TTC28: variants seen among roughly 807,000 people sequenced by gnomAD.
TTC28 encodes the protein tetratricopeptide repeat domain 28.
Under a neutral mutation model 198.0 loss-of-function variants are expected in TTC28, and 61 were observed. The observed-to-expected ratio is 0.31, with a 90% confidence interval of 0.25 to 0.38. The LOEUF (loss-of-function observed/expected upper bound fraction) is 0.38, where lower values mean the gene tolerates loss of function less well. TTC28 is among the 10% of genes least tolerant of loss of function. The probability of loss-of-function intolerance (pLI) is 1.00; values close to 1 mark genes in which losing one functional copy is unlikely to be tolerated. For missense variants in TTC28, 2,678 were observed against 3,164.0 expected (o/e 0.85, Z 3.69); for synonymous variants, 1,171 against 1,297.8 (o/e 0.90, Z 2.10).
intron 2 of TTC28, among the ~76,000 whole-genome samples, chr22:28,342,313 T>C (rs1402464411): frequency 1.3e-5 from 2 of 152,196 alleles, no homozygotes; most frequent in African/African-American, 4.8e-5. Flanking sequence ...AAAACATATC[T>C]ATCAACTGAA....
chr22:28,287,430 C>T (rs1185994011), intron 5 of TTC28, among the ~76,000 whole-genome samples: 2 of 152,036 alleles, frequency 1.3e-5, no homozygotes, highest in African/African-American at 4.8e-5. Context: ...AACAAAAGTA[C>T]TGATAAATTG....
At chr22:28,333,748 C>T (rs1230981621) in intron 2 of TTC28, among the ~76,000 whole-genome samples, 1 of 151,998 alleles carries the variant, frequency 6.6e-6, no homozygotes, top group Non-Finnish European at 1.5e-5. Context: ...TAATCACTTA[C>T]TTTGTTAATT....
At chr22:28,401,978 C>T (rs1232618642) in intron 2 of TTC28, among the ~76,000 whole-genome samples, 1 of 152,136 alleles carries the variant, frequency 6.6e-6, no homozygotes, top group East Asian at 1.9e-4. Context: ...CCCAAGCTCT[C>T]CCTCCCATCT....
At chr22:28,602,280 TCTAAA>T (rs1408409761) in intron 2 of TTC28, among the ~76,000 whole-genome samples, 2 of 152,112 alleles carry the variant, frequency 1.3e-5, no homozygotes, top group Admixed American at 1.3e-4. Context: ...AGCTTAACTA[TCTAAA>T]CTAGAGACTC....
intron 5 of TTC28, among the ~76,000 whole-genome samples, chr22:28,270,010 ACT>A (rs1280920542): frequency 6.6e-6 from 1 of 152,106 alleles, no homozygotes; most frequent in Non-Finnish European, 1.5e-5. Context: ...AAAAAGCCAA[ACT>A]CTGTAAAATA....
At chr22:28,496,044 CAT>C (rs1006492094) in intron 2 of TTC28, among the ~76,000 whole-genome samples, 1 of 152,092 alleles carries the variant, frequency 6.6e-6, no homozygotes, top group African/African-American at 2.4e-5. Flanking sequence ...CTCCTTAAAA[CAT>C]AGTTTCACTT....
intron 14 of TTC28, among the ~76,000 whole-genome samples, chr22:28,009,062 T>C (rs1408276755): frequency 6.6e-6 from 1 of 152,222 alleles, no homozygotes; most frequent in East Asian, 1.9e-4. Context: ...TTTTCTCCTT[T>C]GGGGACTACA....
At chr22:28,036,262 T>G (rs574979614) in intron 12 of TTC28, among the ~76,000 whole-genome samples, 2 of 152,232 alleles carry the variant, frequency 1.3e-5, no homozygotes, top group South Asian at 4.1e-4. Flanking sequence ...TACTACAAAA[T>G]CGTTAGTAAA....
At chr22:28,460,582 A>G (rs2047933782) in intron 2 of TTC28, among the ~76,000 whole-genome samples, 1 of 152,016 alleles carries the variant, frequency 6.6e-6, no homozygotes, top group African/African-American at 2.4e-5. Context: ...GTACATACAT[A>G]TAATAGATGG....
intron 12 of TTC28, among the ~76,000 whole-genome samples, chr22:28,051,387 T>C (rs115790429): frequency 0.012 from 1,865 of 152,340 alleles, 36 homozygotes; most frequent in African/African-American, 0.043. Flanking sequence ...TTCAGAAACA[T>C]CAGTTTTCTG....
chr22:28,572,433 A>G (rs2050078478), intron 2 of TTC28, among the ~76,000 whole-genome samples: 1 of 152,214 alleles, frequency 6.6e-6, no homozygotes, highest in African/African-American at 2.4e-5. Context: ...TAGTATATCT[A>G]TGTCAGTTGA....
intron 2 of TTC28, among the ~76,000 whole-genome samples, chr22:28,398,003 T>C (rs1371969717): frequency 6.6e-6 from 1 of 152,198 alleles, no homozygotes; most frequent in Admixed American, 6.5e-5. Context: ...AGGCACCAGA[T>C]CAGGCTGGAT....
At chr22:28,230,690 A>G (rs1204153151) in intron 5 of TTC28, among the ~76,000 whole-genome samples, 1 of 152,184 alleles carries the variant, frequency 6.6e-6, no homozygotes, top group African/African-American at 2.4e-5. Flanking sequence ...TTAGACGTAT[A>G]TCCTATAGTA....
At chr22:28,121,203 T>C (rs1162613482) in intron 6 of TTC28, among the ~76,000 whole-genome samples, 1 of 152,182 alleles carries the variant, frequency 6.6e-6, no homozygotes, top group Non-Finnish European at 1.5e-5. Context: ...GAAACCCCAT[T>C]TACCTCTTTA....
chr22:28,050,137 G>A (rs1276380770), intron 12 of TTC28, among the ~76,000 whole-genome samples: 2 of 152,078 alleles, frequency 1.3e-5, no homozygotes, highest in East Asian at 1.9e-4. Flanking sequence ...AGGAGCTCAG[G>A]CACTTATCCA....
chr22:28,503,654 A>G (rs1423498716), intron 2 of TTC28, among the ~76,000 whole-genome samples: 1 of 152,250 alleles, frequency 6.6e-6, no homozygotes, highest in East Asian at 1.9e-4. Context: ...CTCAGCAAGG[A>G]CATTTCACAT....
At chr22:28,307,205 C>T (rs2045163564) in intron 2 of TTC28, among the ~76,000 whole-genome samples, 1 of 152,066 alleles carries the variant, frequency 6.6e-6, no homozygotes, top group South Asian at 2.1e-4. Flanking sequence ...TATATGTGTG[C>T]TTTGCTTAGA....
intron 12 of TTC28, among the ~76,000 whole-genome samples, chr22:28,076,252 A>G (rs752724129): frequency 6.6e-6 from 1 of 152,200 alleles, no homozygotes; most frequent in East Asian, 1.9e-4. Flanking sequence ...ATAATTTTAA[A>G]TGTTCAAAGA....
At chr22:28,074,955 C>T (rs1382058468) in intron 12 of TTC28, among the ~76,000 whole-genome samples, 1 of 152,074 alleles carries the variant, frequency 6.6e-6, no homozygotes, top group Non-Finnish European at 1.5e-5. Context: ...CAAAAATTAG[C>T]CGAGTGTGGT....
Sources: gnomAD v4.1 joint callset for allele counts (sites outside exome capture counted in the v4.1 genomes callset) on GRCh38, gnomAD v4.1.1 for gene constraint, MANE v1.5 for transcripts, NCBI Gene and HGNC (gene_info 2026-07-23, HGNC 2026-07-21) for gene names.